SLC43A2: variants seen among roughly 807,000 people sequenced by gnomAD.
The protein encoded by SLC43A2 is large neutral amino acids transporter small subunit 4.
Under a neutral mutation model 63.2 loss-of-function variants are expected in SLC43A2, and 38 were observed. The ratio of observed to expected loss-of-function variants is 0.60; its 90% CI spans 0.46 to 0.79. The LOEUF (loss-of-function observed/expected upper bound fraction) is 0.79. Among genes scored for constraint, SLC43A2 ranks in the 30% least tolerant of loss-of-function variants. The probability of loss-of-function intolerance (pLI) is 0.00; values close to 1 mark genes in which losing one functional copy is unlikely to be tolerated. For synonymous variants in SLC43A2, 322 were observed against 331.0 expected, an observed-to-expected ratio of 0.97 and a Z score of 0.30; for missense variants, 644 against 756.2, an observed-to-expected ratio of 0.85 and a Z score of 1.74.
chr17:1,586,836 C>T, intron 9 of SLC43A2: 3 of 1,173,278 alleles, frequency 2.6e-6, no homozygotes, highest in Admixed American at 5.7e-5. Context: ...CCCCACGGCT[C>T]TAGCCAGGAG....
In SLC43A2 at chr17:1,583,072, C is replaced by T. The variant is rs1248171880; in HGVS notation, c.1350+132G>A. On this transcript the variant is annotated intron_variant, in intron 11 of 13. Coordinates refer to ENST00000301335, the MANE Select transcript of SLC43A2 (RefSeq NM_152346.3). The surrounding 1 kb of genome is among the most constrained non-coding windows in gnomAD (Gnocchi z 5.5). ...CCAGCCTGAGCAACAGAGTTTGACT[C>T]TGTCTCAAAAAAATAAAGAAAGTCA... The T allele has an allele frequency of 2.9e-6, 3 of 1,022,610 alleles. No individual in the cohort carries two copies. The highest frequency in any genetic ancestry group is 1.6e-5 in the African/African-American group (1 of 62,418). The allele number at this position is 1,022,610 out of a possible 1,614,324, so 63.3% of individuals were successfully genotyped here.
At position 1,606,117 on chromosome 17, in the gene SLC43A2, C is replaced by G. The variant is rs9903662; in HGVS notation, c.501+7078G>C. Among the ~76,000 whole-genome samples, 1 of 152,100 alleles carries G rather than the reference C, an allele frequency of 6.6e-6. No homozygotes were observed. Among genetic ancestry groups the G allele is most frequent in the African/African-American group, 2.4e-5 (1 of 41,398 alleles). On this transcript the variant is annotated intron_variant, in intron 5 of 13. Transcript: ENST00000301335. The surrounding 1 kb of genome is among the most constrained non-coding windows in gnomAD (Gnocchi z 4.7). ...GCACTGGGCACTGGCAAGTCCCGCT[C>G]ACCAGGCACCTAGACCCTCCAGAGC...
chr17:1,595,133 T>C (rs141910927), intron 5 of SLC43A2, among the ~76,000 whole-genome samples: 4,490 of 151,874 alleles, frequency 0.03, 88 homozygotes, highest in Non-Finnish European at 0.049. Context: ...ATACAAAAAT[T>C]AGCCGGATGT....
rs545031523 is a variant in SLC43A2 at position 1,591,170 on chromosome 17, C to A, written c.931+99G>T. 19 of 1,467,472 alleles carry A rather than the reference C, an allele frequency of 1.3e-5. 1 individual carries two copies. In the South Asian group the frequency reaches 2.3e-4, roughly 18 times the overall value. The allele number at this position is 1,467,472 out of a possible 1,614,324, so 90.9% of individuals were successfully genotyped here. A position where few individuals can be genotyped will look rare whatever the true frequency, so the allele number is the denominator to read the frequency against. ...GAGCGCCTCTGCAGAACAGGGCGGG[C>A]GGGGCCGCCTCCCCTTTTGGGGTGA... On this transcript the variant is annotated intron_variant, in intron 8 of 13. Coordinates refer to ENST00000301335, the MANE Select transcript of SLC43A2 (RefSeq NM_152346.3).
intron 5 of SLC43A2, among the ~76,000 whole-genome samples, chr17:1,599,277 T>C (rs1055127238): frequency 4.0e-5 from 6 of 151,454 alleles, no homozygotes; most frequent in African/African-American, 7.3e-5. Flanking sequence ...GGGGCAGAGG[T>C]TGCAATGAGC....
intron 5 of SLC43A2, among the ~76,000 whole-genome samples, chr17:1,608,164 G>A (rs1906787394): frequency 6.6e-6 from 1 of 152,188 alleles, no homozygotes; most frequent in Non-Finnish European, 1.5e-5. Context: ...ACAGGCAGTG[G>A]TCTGGATTTG....
chr17:1,600,248 C>A (rs1308921083), intron 5 of SLC43A2, among the ~76,000 whole-genome samples: 3 of 138,178 alleles, frequency 2.2e-5, no homozygotes, highest in Non-Finnish European at 4.7e-5. Context: ...CCTCCCGGGT[C>A]CAAGCAATTC....
chr17:1,586,686 C>T (rs1252633346), intron 9 of SLC43A2, among the ~76,000 whole-genome samples: 1 of 151,910 alleles, frequency 6.6e-6, no homozygotes, highest in Non-Finnish European at 1.5e-5. Context: ...GAGCAAGACT[C>T]CATCTCAAAA....
intron 5 of SLC43A2, 129 bp downstream of exon 5, chr17:1,613,066 C>T (rs1204746384): frequency 1.2e-6 from 1 of 802,784 alleles, no homozygotes; most frequent in East Asian, 2.7e-5. Context: ...CGCCCATAGC[C>T]CCTCTACTGT....
chr17:1,591,724 T>TGGGGGGGGGGGG (rs552449883), intron 6 of SLC43A2, 25 bp from the exon 7 acceptor site: 23 of 220,208 alleles, frequency 1.0e-4, no homozygotes, highest in East Asian at 1.6e-4. Flanking sequence ...GGGGACGGGG[T>TGGGGGGGGGGGG]GGGGGGGGGA....
chr17:1,629,858 C>T (rs564762510), upstream of SLC43A2, among the ~76,000 whole-genome samples: 1 of 152,354 alleles, frequency 6.6e-6, no homozygotes, highest in South Asian at 2.1e-4. Flanking sequence ...CTTCGTCCCC[C>T]GGATTCGAGG....
intron 5 of SLC43A2, among the ~76,000 whole-genome samples, chr17:1,607,597 G>C (rs1314259192): frequency 6.6e-6 from 1 of 152,200 alleles, no homozygotes; most frequent in Non-Finnish European, 1.5e-5. Context: ...TGCAACCAGA[G>C]GGTGTGGGTG....
chr17:1,588,005 C>G (rs1904375699), intron 9 of SLC43A2, among the ~76,000 whole-genome samples: 1 of 152,202 alleles, frequency 6.6e-6, no homozygotes, highest in Non-Finnish European at 1.5e-5. Context: ...CAGTAAGTGC[C>G]ACACCCTGAG....
intron 10 of SLC43A2, chr17:1,585,577 G>T: frequency 2.2e-6 from 2 of 921,252 alleles, no homozygotes; most frequent in African/African-American, 1.7e-5. Flanking sequence ...GACGGGGAGT[G>T]GGGGCTGGCC....
chr17:1,581,484 C>T (rs564757545), intron 11 of SLC43A2, among the ~76,000 whole-genome samples: 19 of 152,282 alleles, frequency 1.2e-4, no homozygotes, highest in East Asian at 9.7e-4. Context: ...AGTGTTGGCA[C>T]GTACACACAA....
At chr17:1,589,287 T>C (rs1456604260) in intron 9 of SLC43A2, among the ~76,000 whole-genome samples, 1 of 152,138 alleles carries the variant, frequency 6.6e-6, no homozygotes, top group Non-Finnish European at 1.5e-5. Flanking sequence ...CTGCACACTT[T>C]GGGGTTTCCG....
At chr17:1,584,988 C>T (rs1024982661) in intron 10 of SLC43A2, among the ~76,000 whole-genome samples, 11 of 152,094 alleles carry the variant, frequency 7.2e-5, no homozygotes, top group Admixed American at 3.9e-4. Context: ...TCAAACTGAC[C>T]GGAATAAACC....
At chr17:1,576,777 A>G in intron 12 of SLC43A2, 57 bp from the exon 13 acceptor site, 1 of 1,586,396 alleles carries the variant, frequency 6.3e-7, no homozygotes, top group Non-Finnish European at 8.5e-7. Context: ...GCTTGGCCCC[A>G]GGTGTCTGGT....
In SLC43A2 at chr17:1,616,687, G is replaced by A; in HGVS notation, c.243C>T (p.Cys81=). 1 of 1,614,060 alleles carries A rather than the reference G, an allele frequency of 6.2e-7. No individual in the cohort carries two copies. Among genetic ancestry groups the A allele is most frequent in the East Asian group, 2.2e-5 (1 of 44,884 alleles). Residue 81 remains cysteine (C), a synonymous_variant, in exon 3 of 14, where the codon TGC becomes TGT. Transcript: ENST00000301335. Reference sequence around the variant, plus strand: ...AATTTAGCATCTCGTCCTGGGCCTGGCAGCTGAGCCAGCCGTTCATCCAGC... The same window carrying A: ...AATTTAGCATCTCGTCCTGGGCCTGACAGCTGAGCCAGCCGTTCATCCAGC... ...EVSWMNGWLS[C]QAQDEMLNLA...
Sources: allele counts gnomAD v4.1 joint callset (sites outside exome capture counted in the v4.1 genomes callset), GRCh38; gene constraint gnomAD v4.1.1; non-coding constraint Gnocchi (gnomAD v3.1); transcripts MANE v1.5; gene names NCBI Gene and HGNC (gene_info 2026-07-23, HGNC 2026-07-21).